NAV2: variants seen among roughly 807,000 people sequenced by gnomAD.
NAV2 encodes helicase, APC down-regulated 1.
NAV2 carries 54 observed loss-of-function variants against 223.2 expected under a neutral mutation model. The ratio of observed to expected loss-of-function variants is 0.24; its 90% CI spans 0.19 to 0.30. The LOEUF is 0.30. Among genes scored for constraint, NAV2 ranks in the 10% least tolerant of loss-of-function variants. The pLI is 1.00. For synonymous variants in NAV2, 1,279 were observed against 1,239.3 expected (o/e 1.03, Z -0.67); for missense variants, 2,806 against 3,147.5 (o/e 0.89, Z 2.60).
intron 1 of NAV2, among the ~76,000 whole-genome samples, chr11:19,656,636 G>T (rs2048134413): frequency 6.6e-6 from 1 of 152,194 alleles, no homozygotes; most frequent in Non-Finnish European, 1.5e-5. Flanking sequence ...AGTGGAGGCA[G>T]GGGGACTTGG....
In NAV2 at chr11:19,713,808, A is replaced by T. The variant is rs1332930905; in HGVS notation, c.113A>T (p.Tyr38Phe). The T allele has an allele frequency of 6.2e-7, 1 of 1,613,062 alleles. No individual in the cohort carries two copies. The highest frequency in any genetic ancestry group is 1.1e-5 in the South Asian group (1 of 90,976). ...PPARAGPQPC[Y>F]LKLGSKVEVS... The stretch of plus-strand genomic sequence containing the variant: ...GCCCGGGCGGGCCCCCAGCCCTGCT[A>T]CCTGAAGTTGGGAAGCAAGGTGGAG... The change falls in exon 1 of 38, where the codon TAC (tyrosine) becomes TTC (phenylalanine). Residue 38 changes from tyrosine (Y) to phenylalanine (F), a missense_variant. Tyr to Phe is a conservative substitution (Grantham distance 22, BLOSUM62 3). Around this residue, in one of 4 missense-constraint regions of NAV2, gnomAD observed 1,167 missense variants for 1,180.5 expected, o/e 0.99. Transcript: ENST00000349880. The surrounding 1 kb of genome is among the most constrained non-coding windows in gnomAD (Gnocchi z 7.2).
chr11:19,889,694 A>G (rs1277952920), intron 5 of NAV2, among the ~76,000 whole-genome samples: 1 of 152,220 alleles, frequency 6.6e-6, no homozygotes, highest in Non-Finnish European at 1.5e-5. Context: ...TCTGACCATG[A>G]CAACCCAAGG....
At chr11:19,396,872 C>A (rs1849470835) in intron 1 of NAV2, among the ~76,000 whole-genome samples, 1 of 152,206 alleles carries the variant, frequency 6.6e-6, no homozygotes, top group African/African-American at 2.4e-5. Context: ...CCAGGCAAGG[C>A]ATCCTTCATG....
intron 1 of NAV2, among the ~76,000 whole-genome samples, chr11:19,583,054 G>C (rs1352890567): frequency 6.6e-6 from 1 of 152,050 alleles, no homozygotes; most frequent in African/African-American, 2.4e-5. Flanking sequence ...TTATTTCATT[G>C]AGCAGTGGTT....
chr11:19,969,757 A>G (rs2049062377), intron 10 of NAV2, among the ~76,000 whole-genome samples: 1 of 152,104 alleles, frequency 6.6e-6, no homozygotes, highest in Admixed American at 6.5e-5. Context: ...TGTGGTTAAC[A>G]TGGTGAAACC....
At chr11:19,483,122 C>T (rs189691339) in intron 1 of NAV2, among the ~76,000 whole-genome samples, 1 of 152,348 alleles carries the variant, frequency 6.6e-6, no homozygotes, top group Admixed American at 6.5e-5. Flanking sequence ...ATCCTCAAAA[C>T]AATTTGTTGT....
chr11:19,411,750 G>A (rs921000287), intron 1 of NAV2, among the ~76,000 whole-genome samples: 5 of 152,156 alleles, frequency 3.3e-5, no homozygotes, highest in Admixed American at 2.0e-4. Context: ...AGAGATGGAA[G>A]GAGAAGAGAG....
At chr11:19,493,390 G>A (rs887303121) in intron 1 of NAV2, among the ~76,000 whole-genome samples, 13 of 152,242 alleles carry the variant, frequency 8.5e-5, no homozygotes, top group Middle Eastern at 3.4e-3. Context: ...AGAGAGACAC[G>A]CCAATAGCTT....
chr11:20,045,961 G>A (rs558839241), intron 14 of NAV2, among the ~76,000 whole-genome samples: 1 of 152,304 alleles, frequency 6.6e-6, no homozygotes, highest in South Asian at 2.1e-4. Flanking sequence ...CCTGTAAAAT[G>A]GGGATGAAGA....
At chr11:19,628,517 G>A (rs1407211914) in intron 1 of NAV2, among the ~76,000 whole-genome samples, 1 of 152,104 alleles carries the variant, frequency 6.6e-6, no homozygotes, top group East Asian at 1.9e-4. Flanking sequence ...ATATATATTC[G>A]AAAGCCTCTC....
intron 10 of NAV2, among the ~76,000 whole-genome samples, chr11:19,983,858 T>C (rs1172407091): frequency 6.6e-6 from 1 of 152,220 alleles, no homozygotes; most frequent in Non-Finnish European, 1.5e-5. Context: ...CTAGTTCCCG[T>C]CTGCGTCGTA....
rs574730259 is a variant in NAV2 at position 19,860,392 on chromosome 11, G to A, written c.439-8533G>A. 3.1e-4 allele frequency among the ~76,000 whole-genome samples: 46 copies of A among 149,558 alleles called. No homozygotes were observed. The South Asian group carries it at 9.5e-3, about 31-fold the overall frequency. On this transcript the variant is annotated intron_variant, in intron 3 of 37. Transcript: ENST00000349880. ...CAGAGACGCTCCTCACATCCCGGAC[G>A]GGGCGACAGGGCAGAGGCGCTCCCC...
chr11:19,633,148 G>GC (rs1489284964), intron 1 of NAV2, among the ~76,000 whole-genome samples: 1 of 151,548 alleles, frequency 6.6e-6, no homozygotes, highest in African/African-American at 2.4e-5. Flanking sequence ...CTCATTCCGT[G>GC]CCCCCAGCTC....
chr11:19,479,844 G>T (rs2042226327), intron 1 of NAV2, among the ~76,000 whole-genome samples: 1 of 152,174 alleles, frequency 6.6e-6, no homozygotes, highest in Admixed American at 6.5e-5. Context: ...CCTACACTGT[G>T]CATGTGCGCA....
intron 5 of NAV2, among the ~76,000 whole-genome samples, chr11:19,881,821 G>C (rs1490316850): frequency 6.6e-6 from 1 of 152,166 alleles, no homozygotes; most frequent in African/African-American, 2.4e-5. Flanking sequence ...TTTAGGTTTG[G>C]TTGATAGAAA....
At chr11:19,577,898 C>T (rs563664133) in intron 1 of NAV2, among the ~76,000 whole-genome samples, 2 of 152,138 alleles carry the variant, frequency 1.3e-5, no homozygotes, top group African/African-American at 2.4e-5. Context: ...GCACAGGCCT[C>T]GGAAGCAGAC....
intron 8 of NAV2, among the ~76,000 whole-genome samples, chr11:19,945,478 CAT>C (rs2046865815): frequency 6.6e-6 from 1 of 152,072 alleles, no homozygotes; most frequent in South Asian, 2.1e-4. Context: ...AAACTAAAGA[CAT>C]CGTCCAACCT....
At chr11:19,772,375 T>G (rs2055782954) in intron 1 of NAV2, among the ~76,000 whole-genome samples, 1 of 152,210 alleles carries the variant, frequency 6.6e-6, no homozygotes, top group African/African-American at 2.4e-5. Flanking sequence ...TCAAGTCAGA[T>G]GAAGAGGATC....
At chr11:19,735,999 A>G (rs1011016511) in intron 1 of NAV2, among the ~76,000 whole-genome samples, 6 of 152,184 alleles carry the variant, frequency 3.9e-5, no homozygotes, top group Admixed American at 2.6e-4. Context: ...CCTGGCTACC[A>G]GTATCAGCTT....
Sources: allele counts gnomAD v4.1 joint callset (sites outside exome capture counted in the v4.1 genomes callset), GRCh38; gene constraint gnomAD v4.1.1; regional missense constraint gnomAD v4.1.1; non-coding constraint Gnocchi (gnomAD v3.1); transcripts MANE v1.5; gene names NCBI Gene and HGNC (gene_info 2026-07-23, HGNC 2026-07-21).